The following KLF12 variants were observed in gnomAD, a reference collection of about 807,000 sequenced individuals.
KLF12 encodes the protein Krueppel-like factor 12.
Under a neutral mutation model 37.8 loss-of-function variants are expected in KLF12, and 9 were observed. The ratio of observed to expected loss-of-function variants is 0.24; its 90% CI spans 0.14 to 0.42. The LOEUF (loss-of-function observed/expected upper bound fraction) is 0.42, where lower values mean the gene tolerates loss of function less well. Among genes scored for constraint, KLF12 ranks in the 10% least tolerant of loss-of-function variants. The probability of loss-of-function intolerance (pLI) is 1.00; values close to 1 mark genes in which losing one functional copy is unlikely to be tolerated. For missense variants in KLF12, 411 were observed against 516.0 expected, an observed-to-expected ratio of 0.80 and a Z score of 1.97; for synonymous variants, 208 against 202.1, an observed-to-expected ratio of 1.03 and a Z score of -0.25.
the KLF12 span, among the ~76,000 whole-genome samples, chr13:74,196,159 G>C: frequency 9.2e-5 from 14 of 152,234 alleles, 1 homozygote; most frequent in East Asian, 1.5e-3. Flanking sequence ...TGTCCTCTTA[G>C]AGCATGCATT....
chr13:74,261,683 A>G, the KLF12 span, among the ~76,000 whole-genome samples: 3 of 152,232 alleles, frequency 2.0e-5, no homozygotes, highest in Non-Finnish European at 4.4e-5. Context: ...CAAATATTAT[A>G]TATGTATACA....
chr13:74,240,061 C>T, the KLF12 span, among the ~76,000 whole-genome samples: 36 of 151,982 alleles, frequency 2.4e-4, no homozygotes, highest in South Asian at 2.3e-3. Flanking sequence ...CATTTTGGCA[C>T]GATTTTGCAG....
chr13:73,892,976 T>G (rs573838088), intron 3 of KLF12, among the ~76,000 whole-genome samples: 9 of 151,878 alleles, frequency 5.9e-5, no homozygotes, highest in South Asian at 4.2e-4. Flanking sequence ...TATGGAAATG[T>G]AAATGTGTTC....
the KLF12 span, among the ~76,000 whole-genome samples, chr13:74,201,398 C>T: frequency 6.6e-6 from 1 of 152,234 alleles, no homozygotes; most frequent in East Asian, 1.9e-4. Context: ...CCCCTTCTTT[C>T]CCTTCCTTTC....
intron 1 of KLF12, among the ~76,000 whole-genome samples, chr13:74,002,535 T>C (rs1281515210): frequency 6.6e-6 from 1 of 151,926 alleles, no homozygotes; most frequent in Non-Finnish European, 1.5e-5. Flanking sequence ...GCCACCACAT[T>C]CGGCTAATGT....
chr13:73,966,630 T>C (rs531291214), intron 2 of KLF12, among the ~76,000 whole-genome samples: 1 of 152,274 alleles, frequency 6.6e-6, no homozygotes, highest in East Asian at 1.9e-4. Flanking sequence ...CAAAATTCAA[T>C]TTTCACTCAC....
chr13:74,167,840 T>C, the KLF12 span, among the ~76,000 whole-genome samples: 55 of 152,372 alleles, frequency 3.6e-4, no homozygotes, highest in South Asian at 1.4e-3. Flanking sequence ...GGGTACTTGT[T>C]AATTTACTTA....
the KLF12 span, among the ~76,000 whole-genome samples, chr13:74,205,798 C>G: frequency 6.6e-6 from 1 of 152,066 alleles, no homozygotes; most frequent in African/African-American, 2.4e-5. Context: ...AAATCTACAA[C>G]AAAGTTGAAG....
At chr13:73,765,331 T>A (rs975494367) in intron 5 of KLF12, among the ~76,000 whole-genome samples, 1 of 152,124 alleles carries the variant, frequency 6.6e-6, no homozygotes, top group Non-Finnish European at 1.5e-5. Context: ...AAAAGTTATC[T>A]AAGGTATGGT....
At chr13:73,863,937 C>A (rs966461445) in intron 3 of KLF12, among the ~76,000 whole-genome samples, 1 of 152,076 alleles carries the variant, frequency 6.6e-6, no homozygotes. Flanking sequence ...CAGTTTAGTA[C>A]AGTTTTTAAT....
At chr13:74,060,259 T>C (rs1182355054) in intron 1 of KLF12, among the ~76,000 whole-genome samples, 1 of 152,174 alleles carries the variant, frequency 6.6e-6, no homozygotes, top group African/African-American at 2.4e-5. Context: ...TTTGTTTTCA[T>C]ATAAACTTAA....
the KLF12 span, among the ~76,000 whole-genome samples, chr13:74,217,609 C>A: frequency 3.9e-5 from 6 of 152,084 alleles, no homozygotes; most frequent in Admixed American, 6.6e-5. Context: ...CACCTGTTAT[C>A]CCAGCTACTC....
At chr13:74,251,712 T>G in the KLF12 span, among the ~76,000 whole-genome samples, 1 of 152,070 alleles carries the variant, frequency 6.6e-6, no homozygotes, top group Non-Finnish European at 1.5e-5. Flanking sequence ...TTCCCTACCA[T>G]GGAGAAGTTG....
intron 3 of KLF12, among the ~76,000 whole-genome samples, chr13:73,880,823 G>C (rs551666087): frequency 7.9e-5 from 12 of 152,038 alleles, no homozygotes; most frequent in African/African-American, 2.7e-4. Flanking sequence ...TAACCAAACT[G>C]TTATTAAATG....
chr13:74,044,544 C>T (rs541911686), intron 1 of KLF12, among the ~76,000 whole-genome samples: 19 of 152,082 alleles, frequency 1.2e-4, no homozygotes, highest in African/African-American at 4.6e-4. Flanking sequence ...CAAAAGTCAA[C>T]TAAAAGAGTT....
At chr13:73,899,147 C>T (rs1215385281) in intron 3 of KLF12, among the ~76,000 whole-genome samples, 2 of 152,220 alleles carry the variant, frequency 1.3e-5, no homozygotes, top group Non-Finnish European at 2.9e-5. Flanking sequence ...GAGTCATGGC[C>T]ACTGGGAGAC....
chr13:73,899,980 A>G (rs1386892709), intron 3 of KLF12, among the ~76,000 whole-genome samples: 1 of 152,206 alleles, frequency 6.6e-6, no homozygotes, highest in Non-Finnish European at 1.5e-5. Context: ...GATTCTTTAG[A>G]GAGCCCTAAT....
the KLF12 span, among the ~76,000 whole-genome samples, chr13:74,184,117 C>T: frequency 9.9e-5 from 15 of 152,154 alleles, no homozygotes; most frequent in Non-Finnish European, 1.8e-4. Flanking sequence ...TCAGAATCTA[C>T]AGTTCACATG....
At chr13:73,869,520 A>T (rs1056759563) in intron 3 of KLF12, among the ~76,000 whole-genome samples, 1 of 151,966 alleles carries the variant, frequency 6.6e-6, no homozygotes, top group East Asian at 1.9e-4. Context: ...TTAATTTTAC[A>T]TTTTCAAAAT....
Sources: gnomAD v4.1 joint callset for allele counts (sites outside exome capture counted in the v4.1 genomes callset) on GRCh38, gnomAD v4.1.1 for gene constraint, MANE v1.5 for transcripts, NCBI Gene and HGNC (gene_info 2026-07-23, HGNC 2026-07-21) for gene names.